Variants in GAREM1 observed in about 807,000 individuals in gnomAD.
The protein encoded by GAREM1 is GRB2 associated regulator of MAPK1 subtype 1.
Under a neutral mutation model 71.3 loss-of-function variants are expected in GAREM1, and 26 were observed. The ratio of observed to expected loss-of-function variants is 0.36; its 90% CI spans 0.27 to 0.51. The LOEUF is 0.51. Ranked by LOEUF, GAREM1 falls within the 20% of genes least tolerant of loss-of-function variation. GAREM1 has a pLI of 0.95. For missense variants in GAREM1, 1,026 were observed against 1,103.1 expected, an observed-to-expected ratio of 0.93 and a Z score of 0.99; for synonymous variants, 440 against 433.2, an observed-to-expected ratio of 1.02 and a Z score of -0.20.
chr18:32,359,957 A>T (rs79755667), intron 2 of GAREM1, among the ~76,000 whole-genome samples: 8,211 of 148,368 alleles, frequency 0.055, 235 homozygotes, highest in South Asian at 0.074. Flanking sequence ...AATAAATAAA[A>T]AATTGAATAA....
At chr18:32,387,254 A>G (rs570273459) in intron 2 of GAREM1, among the ~76,000 whole-genome samples, 1 of 152,296 alleles carries the variant, frequency 6.6e-6, no homozygotes, top group Non-Finnish European at 1.5e-5. Flanking sequence ...TTAAGTTGCT[A>G]GGTTAAAAAA....
intron 3 of GAREM1, among the ~76,000 whole-genome samples, chr18:32,295,776 A>G (rs73956864): frequency 2.6e-3 from 401 of 152,296 alleles, no homozygotes; most frequent in African/African-American, 8.7e-3. Context: ...ATATTGTTTT[A>G]ATGGGAATAT....
intron 2 of GAREM1, among the ~76,000 whole-genome samples, chr18:32,333,172 G>C (rs1267089944): frequency 6.6e-6 from 1 of 151,394 alleles, no homozygotes; most frequent in Admixed American, 6.6e-5. Context: ...AAGAAAGAGA[G>C]AGACATTAAG....
Position 32,264,967 on chromosome 18 carries a change from G to A in GAREM1, c.*2904C>T, listed in dbSNP as rs1225184526. The stretch of plus-strand genomic sequence containing the variant: ...AGATAAGATGATAAGTCTTGACCTG[G>A]CTGGTTAGAAGGGTTCTGTGTGTGG... On this transcript the variant is annotated 3_prime_UTR_variant, in exon 6 of 6. Coordinates refer to ENST00000269209, the MANE Select transcript of GAREM1 (RefSeq NM_001242409.2). 1 of 152,250 alleles carries A rather than the reference G, an allele frequency of 6.6e-6. No homozygotes were observed. Among genetic ancestry groups the A allele is most frequent in the Non-Finnish European group, 1.5e-5 (1 of 68,058 alleles). The allele number at this position is 152,250 out of a possible 1,614,324, so 9.4% of individuals were successfully genotyped here. A position where few individuals can be genotyped will look rare whatever the true frequency, so the allele number is the denominator to read the frequency against.
In GAREM1 at chr18:32,309,046, G is replaced by T. The variant is rs183499233; in HGVS notation, c.393+1147C>A. Among the ~76,000 whole-genome samples, 85 of 150,332 alleles carry T rather than the reference G, an allele frequency of 5.7e-4. 2 individuals carry two copies. In the East Asian group the frequency reaches 0.013, roughly 22 times the overall value. On this transcript the variant is annotated intron_variant, in intron 3 of 5. Transcript: ENST00000269209. ...ACATAGAGTGGATTTCTAAGAAACA[G>T]GAATCTTGACCCCCTAAATCTTGAA...
chr18:32,417,528 C>G (rs558015763), intron 1 of GAREM1, among the ~76,000 whole-genome samples: 1 of 152,250 alleles, frequency 6.6e-6, no homozygotes, highest in South Asian at 2.1e-4. Context: ...CAATGGAGTA[C>G]TATTCAGCCA....
chr18:32,462,485 T>C (rs1380950006), intron 1 of GAREM1, among the ~76,000 whole-genome samples: 1 of 152,208 alleles, frequency 6.6e-6, no homozygotes, highest in Non-Finnish European at 1.5e-5. Context: ...GCTATGGAGT[T>C]GAGTTCCCTA....
intron 4 of GAREM1, among the ~76,000 whole-genome samples, chr18:32,284,054 C>A (rs2046982716): frequency 6.6e-6 from 1 of 152,146 alleles, no homozygotes; most frequent in Non-Finnish European, 1.5e-5. Context: ...TTACTTAATT[C>A]TGTGGGAGCA....
chr18:32,375,127 T>C (rs2048020409), intron 2 of GAREM1, among the ~76,000 whole-genome samples: 1 of 152,238 alleles, frequency 6.6e-6, no homozygotes. Context: ...GAAATTTCTA[T>C]GGTCTGAGAT....
At chr18:32,350,563 T>G (rs1188523315) in intron 2 of GAREM1, among the ~76,000 whole-genome samples, 1 of 151,368 alleles carries the variant, frequency 6.6e-6, no homozygotes, top group African/African-American at 2.4e-5. Context: ...ACTATATATG[T>G]GATCTGATAT....
chr18:32,382,032 T>C (rs2048102773), intron 2 of GAREM1, among the ~76,000 whole-genome samples: 3 of 152,226 alleles, frequency 2.0e-5, no homozygotes, highest in Admixed American at 2.0e-4. Flanking sequence ...TGTACCTGCC[T>C]GACTGGAGGG....
Position 32,392,905 on chromosome 18 carries a change from T to A in GAREM1, c.252A>T (p.Val84=). Residue 84 remains valine (V), a synonymous_variant, in exon 2 of 6, where the codon GTA becomes GTT. Transcript: ENST00000269209. ...TTGGAGGAGTCTTACCTGCATAATG[T>A]ACCGGAATCTCTATCTTTGGCCCAA... ...YVIGPKIEIP[V]HYAGQFKLLE... 1.2e-6 allele frequency: 2 copies of A among 1,613,774 alleles called. No homozygotes were observed. Among genetic ancestry groups the A allele is most frequent in the Non-Finnish European group, 1.7e-6 (2 of 1,179,798 alleles).
chr18:32,310,886 T>C (rs1228444173), intron 2 of GAREM1, among the ~76,000 whole-genome samples: 2 of 152,100 alleles, frequency 1.3e-5, no homozygotes, highest in Non-Finnish European at 2.9e-5. Flanking sequence ...GCTGCTGTAA[T>C]GTGTGATGCT....
intron 2 of GAREM1, among the ~76,000 whole-genome samples, chr18:32,382,004 T>C (rs2048102534): frequency 6.6e-6 from 1 of 152,198 alleles, no homozygotes; most frequent in African/African-American, 2.4e-5. Flanking sequence ...TCACCATTCC[T>C]GGTCAATGTC....
At chr18:32,446,984 C>T (rs16963374) in intron 1 of GAREM1, among the ~76,000 whole-genome samples, 14,601 of 152,236 alleles carry the variant, frequency 0.096, 1,172 homozygotes, top group African/African-American at 0.22. Context: ...TACATCATCC[C>T]AGCAGGCTCA....
intron 1 of GAREM1, among the ~76,000 whole-genome samples, chr18:32,469,482 C>T (rs1349298803): frequency 6.6e-6 from 1 of 152,200 alleles, no homozygotes; most frequent in Non-Finnish European, 1.5e-5. Flanking sequence ...AAATTGCCAC[C>T]TTACGTGTCA....
chr18:32,432,511 C>T (rs906786298), intron 1 of GAREM1, among the ~76,000 whole-genome samples: 5 of 151,996 alleles, frequency 3.3e-5, no homozygotes, highest in African/African-American at 4.8e-5. Flanking sequence ...GTCTAAAGAT[C>T]TTTCTCTGAA....
At chr18:32,393,769 G>A (rs1233617608) in intron 1 of GAREM1, among the ~76,000 whole-genome samples, 3 of 152,088 alleles carry the variant, frequency 2.0e-5, no homozygotes, top group African/African-American at 7.2e-5. Flanking sequence ...TTGAACGGAT[G>A]ACAAACTATT....
At chr18:32,459,866 G>A (rs770958732) in intron 1 of GAREM1, among the ~76,000 whole-genome samples, 5 of 152,118 alleles carry the variant, frequency 3.3e-5, no homozygotes, top group Admixed American at 6.6e-5. Flanking sequence ...ACAGACAGCT[G>A]TCCTGGGGTT....
Sources: allele counts gnomAD v4.1 joint callset (sites outside exome capture counted in the v4.1 genomes callset), GRCh38; gene constraint gnomAD v4.1.1; transcripts MANE v1.5; gene names NCBI Gene and HGNC (gene_info 2026-07-23, HGNC 2026-07-21).